Variants in APC observed in about 807,000 individuals in gnomAD.
APC encodes the protein adenomatous polyposis coli protein.
APC carries 72 observed loss-of-function variants against 247.0 expected under a neutral mutation model. The observed-to-expected ratio is 0.29, with a 90% confidence interval of 0.24 to 0.35. The LOEUF is 0.35. APC is among the 10% of genes least tolerant of loss of function. The probability of loss-of-function intolerance (pLI) is 1.00; values close to 1 mark genes in which losing one functional copy is unlikely to be tolerated. For synonymous variants in APC, 1,254 were observed against 1,162.5 expected (o/e 1.08, Z -1.60); for missense variants, 3,400 against 3,360.7 (o/e 1.01, Z -0.29).
At chr5:112,747,194 G>A (rs546797791) in intron 1 of APC, among the ~76,000 whole-genome samples, 2 of 152,028 alleles carry the variant, frequency 1.3e-5, no homozygotes, top group Admixed American at 1.3e-4. Flanking sequence ...AAAAGCCTAG[G>A]GATAAATTTG....
chr5:112,816,240 C>T (rs1762500551), intron 9 of APC, among the ~76,000 whole-genome samples: 1 of 152,228 alleles, frequency 6.6e-6, no homozygotes, highest in Non-Finnish European at 1.5e-5. Context: ...GGTCCTCTTA[C>T]CTCCCCATGT....
rs1390192945 is a variant in APC at position 112,842,874 on chromosome 5, G to A, written c.7280G>A (p.Ser2427Asn). 1.2e-6 allele frequency: 2 copies of A among 1,614,044 alleles called. No homozygotes were observed. The highest frequency in any genetic ancestry group is 1.7e-6 in the Non-Finnish European group (2 of 1,179,948). Residue 2427 changes from serine to asparagine, a missense_variant, in exon 16 of 16, where the codon AGT (serine) becomes AAT (asparagine). Physicochemically the swap from Ser to Asn is conservative, Grantham distance 46. This residue lies in a region of APC where 1,788 missense variants were observed against 1,649.5 expected (regional missense o/e 1.08). Coordinates refer to ENST00000257430, the MANE Select transcript of APC (RefSeq NM_000038.6). ...SRMSSTKSSG[S>N]ESDRSERPVL... ...ATGTCTTCAACTAAATCAAGTGGAA[G>A]TGAATCTGATAGATCAGAAAGACCT...
intron 9 of APC, among the ~76,000 whole-genome samples, chr5:112,818,688 G>C (rs186635409): frequency 6.6e-6 from 1 of 152,242 alleles, no homozygotes; most frequent in East Asian, 1.9e-4. Context: ...CTAACAGTTT[G>C]TTAGTGAGTA....
intron 1 of APC, among the ~76,000 whole-genome samples, chr5:112,740,752 G>C (rs9326864): frequency 0.98 from 149,514 of 152,076 alleles, 73,550 homozygotes; most frequent in Middle Eastern, 1. Context: ...TCTCGAACTC[G>C]TGAGCTCAAA....
intron 11 of APC, among the ~76,000 whole-genome samples, chr5:112,822,805 C>T (rs577570106): frequency 4.6e-5 from 7 of 152,320 alleles, no homozygotes; most frequent in African/African-American, 1.7e-4. Flanking sequence ...GTTCCAGCCA[C>T]CACTTTATAT....
At position 112,838,512 on chromosome 5, in the gene APC, A is replaced by G. The variant is rs1765294234; in HGVS notation, c.2918A>G (p.Tyr973Cys). The G allele has an allele frequency of 6.2e-7, 1 of 1,614,230 alleles. No individual in the cohort carries two copies. Among genetic ancestry groups the G allele is most frequent in the Non-Finnish European group, 8.5e-7 (1 of 1,180,040 alleles). ...AATAGTGTCAGTAGTAGTGATGGTT[A>G]TGGTAAAAGAGGTCAAATGAAACCC... ...SLNSVSSSDGYGKRGQMKPSI... is the reference protein window; with the variant it reads ...SLNSVSSSDGCGKRGQMKPSI... Residue 973 changes from tyrosine (Y) to cysteine (C), a missense_variant, in exon 16 of 16, where the codon TAT becomes TGT. Tyr to Cys is a radical substitution (Grantham distance 194). This residue lies in a region of APC where 715 missense variants were observed against 656.6 expected (regional missense o/e 1.09). Transcript: ENST00000257430.
At chr5:112,775,493 A>C in intron 4 of APC, 136 bp from the exon 5 acceptor site, 1 of 567,384 alleles carries the variant, frequency 1.8e-6, no homozygotes, top group Non-Finnish European at 3.1e-6. Flanking sequence ...ATTGAAATCA[A>C]TGTAAATTTT....
chr5:112,815,554 C>G lies in APC; in HGVS notation c.894C>G (p.His298Gln), dbSNP rs143341972. 1.2e-6 allele frequency: 2 copies of G among 1,612,306 alleles called. No homozygotes were observed. Among genetic ancestry groups the G allele is most frequent in the Non-Finnish European group, 1.7e-6 (2 of 1,178,804 alleles). ...GTGTTTTGAGTTCTAGTAGCACACACTCTGCACCTCGAAGGCTGACAAGTC... is the reference window on the plus strand; with the variant it reads ...GTGTTTTGAGTTCTAGTAGCACACAGTCTGCACCTCGAAGGCTGACAAGTC... The part of the protein sequence containing the change: ...TASVLSSSST[H>Q]SAPRRLTSHL... The change falls in exon 9 of 16, where the codon CAC (histidine) becomes CAG (glutamine). Residue 298 changes from histidine (H) to glutamine (Q), a missense_variant. By Grantham distance (24) the His-to-Gln change is conservative. Around this residue, in one of 9 missense-constraint regions of APC, gnomAD observed 372 missense variants for 367.6 expected, o/e 1.01. Transcript: ENST00000257430.
chr5:112,791,506 A>G (rs866006796), intron 6 of APC, among the ~76,000 whole-genome samples: 76 of 152,220 alleles, frequency 5.0e-4, no homozygotes, highest in Middle Eastern at 3.4e-3. Flanking sequence ...CCGCTTGTGA[A>G]CTGCACATGT....
At chr5:112,807,371 C>G (rs901711473) in intron 8 of APC, among the ~76,000 whole-genome samples, 2 of 151,934 alleles carry the variant, frequency 1.3e-5, no homozygotes, top group African/African-American at 4.8e-5. Flanking sequence ...TCTTTTTATA[C>G]GTTACATTGT....
chr5:112,809,494 C>A (rs1223625556), intron 8 of APC, among the ~76,000 whole-genome samples: 4 of 151,614 alleles, frequency 2.6e-5, no homozygotes, highest in African/African-American at 9.7e-5. Context: ...GAATACCTAG[C>A]CTAAAATTCC....
chr5:112,760,752 G>A (rs1035512928), intron 2 of APC, among the ~76,000 whole-genome samples: 2 of 152,048 alleles, frequency 1.3e-5, no homozygotes, highest in Non-Finnish European at 2.9e-5. Flanking sequence ...ACACACTCAA[G>A]GAACTGGGAA....
intron 1 of APC, among the ~76,000 whole-genome samples, chr5:112,731,537 C>T (rs1011063973): frequency 6.6e-6 from 1 of 152,148 alleles, no homozygotes; most frequent in African/African-American, 2.4e-5. Flanking sequence ...GAATACCTCC[C>T]ATTAGGCTGC....
intron 5 of APC, 85 bp from the exon 6 acceptor site, chr5:112,780,705 T>G: frequency 1.1e-6 from 1 of 942,082 alleles, no homozygotes; most frequent in Non-Finnish European, 1.7e-6. Context: ...ATTCATTTTC[T>G]TTATTGGTTC....
intron 8 of APC, among the ~76,000 whole-genome samples, chr5:112,806,807 A>T (rs1761453860): frequency 6.6e-6 from 1 of 152,058 alleles, no homozygotes; most frequent in Admixed American, 6.6e-5. Context: ...TGAATTCCCA[A>T]GCTCAAGCAA....
In APC at chr5:112,829,026, T is replaced by G. The variant is rs866705552; in HGVS notation, c.1743+54T>G. 12 of 1,237,668 alleles carry G rather than the reference T, an allele frequency of 9.7e-6. 2 individuals carry two copies. In the Middle Eastern group the frequency reaches 2.3e-3, roughly 238 times the overall value. 76.7% of individuals were successfully genotyped at this position (1,237,668 alleles called of 1,614,324 possible). A position where few individuals can be genotyped will look rare whatever the true frequency, so the allele number is the denominator to read the frequency against. On this transcript the variant is annotated intron_variant, in intron 14 of 15. Transcript: ENST00000257430. The stretch of plus-strand genomic sequence containing the variant: ...TATGAATTTCATGTTTGGCTTTTTT[T>G]TGCTGCCTTCTTTTAGCCATGAGAT...
chr5:112,752,113 G>T (rs944800221), intron 1 of APC, among the ~76,000 whole-genome samples: 1 of 151,656 alleles, frequency 6.6e-6, no homozygotes, highest in East Asian at 1.9e-4. Context: ...AAATTATTTT[G>T]GGTTTTCAAA....
At position 112,843,870 on chromosome 5, in the gene APC, G is replaced by A. The variant is rs538289470; in HGVS notation, c.8276G>A (p.Arg2759His). 30 of 1,613,812 alleles carry A rather than the reference G, an allele frequency of 1.9e-5. No individual in the cohort carries two copies. The highest frequency in any genetic ancestry group is 4.4e-5 in the South Asian group (4 of 91,070). ...SETNESSIVE[R>H]TPFSSSSSSK... ...ACTAATGAAAGTTCTATAGTGGAAC[G>A]TACCCCATTCAGTTCTAGCAGCTCA... The change falls in exon 16 of 16, where the codon CGT becomes CAT. Residue 2759 changes from arginine (R) to histidine (H), a missense_variant. Arg to His is a conservative substitution (Grantham distance 29, BLOSUM62 0). This residue lies in a region of APC where 1,788 missense variants were observed against 1,649.5 expected (regional missense o/e 1.08). Coordinates refer to ENST00000257430, the MANE Select transcript of APC (RefSeq NM_000038.6). The surrounding 1 kb of genome is among the most constrained non-coding windows in gnomAD (Gnocchi z 4.8).
chr5:112,745,577 T>TA (rs61153769), intron 1 of APC, among the ~76,000 whole-genome samples: 1 of 148,910 alleles, frequency 6.7e-6, no homozygotes, highest in Non-Finnish European at 1.5e-5. Flanking sequence ...TTATTATTAT[T>TA]TTTTGAGACG....
Sources: gnomAD v4.1 joint callset for allele counts (sites outside exome capture counted in the v4.1 genomes callset) on GRCh38, gnomAD v4.1.1 for gene constraint, gnomAD v4.1.1 regional missense constraint, Gnocchi (gnomAD v3.1) non-coding constraint, MANE v1.5 for transcripts, NCBI Gene and HGNC (gene_info 2026-07-23, HGNC 2026-07-21) for gene names.